LZTFL1: variants seen among roughly 807,000 people sequenced by gnomAD.
The protein encoded by LZTFL1 is leucine zipper transcription factor-like protein 1.
LZTFL1 carries 25 observed loss-of-function variants against 45.9 expected under a neutral mutation model. The observed-to-expected ratio is 0.54, with a 90% CI of 0.40 to 0.76. The LOEUF is 0.76. LZTFL1 is among the 30% of genes least tolerant of loss of function. LZTFL1 has a pLI of 0.00. For synonymous variants in LZTFL1, 93 were observed against 117.4 expected, an observed-to-expected ratio of 0.79 and a Z score of 1.35; for missense variants, 277 against 331.1, an observed-to-expected ratio of 0.84 and a Z score of 1.27.
chr3:45,883,666 A>G (rs1701906078), intron 2 of LZTFL1: 2 of 532,516 alleles, frequency 3.8e-6, no homozygotes, highest in Non-Finnish European at 7.1e-6. Flanking sequence ...GTATCTTTGC[A>G]GATGCCCACA....
chr3:45,905,644 C>A (rs1490803052), intron 2 of LZTFL1, among the ~76,000 whole-genome samples: 2 of 152,218 alleles, frequency 1.3e-5, no homozygotes, highest in Non-Finnish European at 2.9e-5. Flanking sequence ...CCAAGCCAGG[C>A]CTTCCCAGGG....
chr3:45,898,571 T>C (rs924093829), intron 2 of LZTFL1, among the ~76,000 whole-genome samples: 3 of 152,196 alleles, frequency 2.0e-5, no homozygotes, highest in Non-Finnish European at 4.4e-5. Flanking sequence ...CTCTTTGCAA[T>C]AGGATTTTCT....
In LZTFL1 at chr3:45,827,412, T is replaced by C; in HGVS notation, c.825A>G (p.Lys275=). 6.2e-7 allele frequency: 1 copy of C among 1,614,068 alleles called. No homozygotes were observed. Among genetic ancestry groups the C allele is most frequent in the Non-Finnish European group, 8.5e-7 (1 of 1,179,930 alleles). ...FQQTAAYRNM[K]EILTKKNDQI... ...GGTCATTCTTCTTGGTAAGAATCTC[T>C]TTCATGTTTCGATAAGCTGCTGTTT... Residue 275 remains lysine, a synonymous_variant, in exon 9 of 10, where the codon AAA becomes AAG. Coordinates refer to ENST00000296135, the MANE Select transcript of LZTFL1 (RefSeq NM_020347.4).
chr3:45,899,609 G>A (rs946750221), intron 2 of LZTFL1, among the ~76,000 whole-genome samples: 1 of 152,200 alleles, frequency 6.6e-6, no homozygotes, highest in Non-Finnish European at 1.5e-5. Context: ...GTCCCTCAAG[G>A]AAAGGGAGTG....
upstream of LZTFL1, chr3:45,842,192 G>A: frequency 6.9e-7 from 1 of 1,446,218 alleles, no homozygotes; most frequent in Non-Finnish European, 9.1e-7. Flanking sequence ...CACGCGACAG[G>A]AAGTATTGCG....
At chr3:45,899,740 A>G (rs915748997) in intron 2 of LZTFL1, among the ~76,000 whole-genome samples, 1 of 152,108 alleles carries the variant, frequency 6.6e-6, no homozygotes, top group Non-Finnish European at 1.5e-5. Context: ...TGTAGCAGGC[A>G]TGGCACGGAC....
At chr3:45,906,183 C>T (rs554916982) in intron 2 of LZTFL1, among the ~76,000 whole-genome samples, 4 of 152,120 alleles carry the variant, frequency 2.6e-5, no homozygotes, top group Non-Finnish European at 2.9e-5. Context: ...TGTGGTTGGG[C>T]GCCAGTCACA....
chr3:45,834,704 G>C (rs999029160), intron 3 of LZTFL1: 2 of 157,318 alleles, frequency 1.3e-5, no homozygotes, highest in African/African-American at 4.8e-5. Flanking sequence ...AATGAAAATA[G>C]TCCATAGTAT....
At chr3:45,905,707 G>A (rs1384730335) in intron 2 of LZTFL1, among the ~76,000 whole-genome samples, 2 of 152,310 alleles carry the variant, frequency 1.3e-5, no homozygotes, top group East Asian at 3.9e-4. Flanking sequence ...TCAGCCCGAT[G>A]GTGGCACTCT....
At chr3:45,898,698 C>T (rs1011006487) in intron 2 of LZTFL1, among the ~76,000 whole-genome samples, 2 of 152,256 alleles carry the variant, frequency 1.3e-5, no homozygotes, top group Admixed American at 6.5e-5. Context: ...ATAGGACTAA[C>T]ATCTACTGTC....
intron 1 of LZTFL1, among the ~76,000 whole-genome samples, chr3:45,840,275 A>C (rs985452635): frequency 6.6e-6 from 1 of 152,258 alleles, no homozygotes; most frequent in Non-Finnish European, 1.5e-5. Flanking sequence ...CTGAGTTCAA[A>C]AGGAAAAATA....
At chr3:45,829,612 A>G (rs1008801111) in intron 7 of LZTFL1, among the ~76,000 whole-genome samples, 4 of 150,444 alleles carry the variant, frequency 2.7e-5, no homozygotes, top group African/African-American at 9.7e-5. Flanking sequence ...TCAAAAGAAA[A>G]AAAAAAAAAA....
At chr3:45,882,846 A>T (rs1015109007) in intron 2 of LZTFL1, among the ~76,000 whole-genome samples, 1 of 149,902 alleles carries the variant, frequency 6.7e-6, no homozygotes, top group Non-Finnish European at 1.5e-5. Context: ...ACATTTTTTT[A>T]AAAATTTCTT....
At chr3:45,904,639 A>G (rs1452335114) in intron 2 of LZTFL1, among the ~76,000 whole-genome samples, 2 of 152,218 alleles carry the variant, frequency 1.3e-5, no homozygotes, top group Non-Finnish European at 2.9e-5. Context: ...TCGCCATTGC[A>G]GTATGGCCAT....
intron 7 of LZTFL1, among the ~76,000 whole-genome samples, chr3:45,830,170 T>A (rs1214537579): frequency 6.6e-6 from 1 of 152,236 alleles, no homozygotes; most frequent in African/African-American, 2.4e-5. Flanking sequence ...GAAGCAGATT[T>A]TGGGTTTGTT....
At chr3:45,871,033 C>A (rs577668927) in intron 2 of LZTFL1, among the ~76,000 whole-genome samples, 1 of 152,112 alleles carries the variant, frequency 6.6e-6, no homozygotes, top group South Asian at 2.1e-4. Flanking sequence ...ACATGTAGAT[C>A]CACATTAAAT....
intron 2 of LZTFL1, among the ~76,000 whole-genome samples, chr3:45,895,372 G>A (rs78426777): frequency 0.018 from 2,788 of 152,264 alleles, 41 homozygotes; most frequent in Non-Finnish European, 0.028. Flanking sequence ...ATGAAAACAC[G>A]TAACAGTATA....
intron 2 of LZTFL1, among the ~76,000 whole-genome samples, chr3:45,876,392 G>A (rs1166807219): frequency 6.6e-6 from 1 of 152,108 alleles, no homozygotes; most frequent in Non-Finnish European, 1.5e-5. Flanking sequence ...TTGTTGCTTT[G>A]GCACCGTGTG....
intron 3 of LZTFL1, among the ~76,000 whole-genome samples, chr3:45,856,695 C>A (rs1413901579): frequency 1.3e-5 from 2 of 151,582 alleles, no homozygotes; most frequent in East Asian, 3.9e-4. Flanking sequence ...AGAAAAAAAA[C>A]CTTAAAAAGT....
Sources: allele counts gnomAD v4.1 joint callset (sites outside exome capture counted in the v4.1 genomes callset), GRCh38; gene constraint gnomAD v4.1.1; transcripts MANE v1.5; gene names NCBI Gene and HGNC (gene_info 2026-07-23, HGNC 2026-07-21).